Variants in GIPC2 observed in about 807,000 individuals in gnomAD.
GIPC2 encodes GIPC PDZ domain containing family member 2, also known as PDZ domain-containing protein GIPC2.
In GIPC2, 30 loss-of-function variants were observed where a neutral mutation model predicts 30.6. The observed-to-expected ratio is 0.98, with a 90% CI of 0.73 to 1.33. The LOEUF (loss-of-function observed/expected upper bound fraction) is 1.33. Ranked by LOEUF, GIPC2 falls within the 40% of genes most tolerant of loss-of-function variation. GIPC2 has a pLI of 0.00. For synonymous variants in GIPC2, 167 were observed against 150.0 expected (o/e 1.11, Z -0.83); for missense variants, 414 against 390.3 (o/e 1.06, Z -0.51).
At chr1:78,045,734 G>A, upstream of GIPC2, 1 of 985,506 alleles carries the variant, frequency 1.0e-6, no homozygotes, top group South Asian at 4.7e-5. Context: ...TTTATGAAAA[G>A]CAGAGAAGGG....
At position 78,123,438 on chromosome 1, in the gene GIPC2, T is replaced by C. The variant is rs1662721941; in HGVS notation, c.715-2443T>C. The stretch of plus-strand genomic sequence containing the variant: ...GGAAGTACTGGTTAGGTAGGGGTGA[T>C]GAGGCTAGAGGCATAGGCTGGGGTT... On this transcript the variant is annotated intron_variant, in intron 4 of 5. Coordinates refer to ENST00000370759, the MANE Select transcript of GIPC2 (RefSeq NM_017655.6). Among the ~76,000 whole-genome samples the C allele has an allele frequency of 3.3e-5, 5 of 151,856 alleles. No individual in the cohort carries two copies. In the South Asian group the frequency reaches 1.0e-3, roughly 32 times the overall value.
intron 4 of GIPC2, 75 bp from the exon 5 acceptor site, chr1:78,125,806 G>A (rs1368753006): frequency 3.8e-6 from 3 of 780,304 alleles, no homozygotes; most frequent in Non-Finnish European, 6.7e-6. Context: ...TCCACATCAG[G>A]CTTTCTCTTG....
At chr1:78,053,467 C>T (rs1661231065) in intron 1 of GIPC2, among the ~76,000 whole-genome samples, 1 of 152,140 alleles carries the variant, frequency 6.6e-6, no homozygotes, top group South Asian at 2.1e-4. Flanking sequence ...CTGTCACCCT[C>T]CTCACAAGGA....
chr1:78,091,680 T>C, intron 2 of GIPC2: 1 of 773,192 alleles, frequency 1.3e-6, no homozygotes, highest in Non-Finnish European at 2.4e-6. Flanking sequence ...TCTGCTGTTT[T>C]CTATAGTGTG....
intron 3 of GIPC2, among the ~76,000 whole-genome samples, chr1:78,113,632 G>T (rs139509788): frequency 1.5e-3 from 230 of 152,126 alleles, no homozygotes; most frequent in African/African-American, 5.3e-3. Context: ...CAAGTGATCC[G>T]CCACCCTTGG....
chr1:78,064,368 C>T (rs1039022812), intron 1 of GIPC2, among the ~76,000 whole-genome samples: 3 of 152,212 alleles, frequency 2.0e-5, no homozygotes, highest in Non-Finnish European at 4.4e-5. Context: ...AAACAGAATC[C>T]TTGACCCATG....
chr1:78,046,271 C>T lies in GIPC2; in HGVS notation c.177C>T (p.Gly59=), dbSNP rs1396662079. 1.2e-6 allele frequency: 2 copies of T among 1,611,758 alleles called. No individual in the cohort carries two copies. The highest frequency in any genetic ancestry group is 1.3e-5 in the African/African-American group (1 of 74,794). ...GTAGTGCCACGGGCCGAGTGGAGGG[C>T]TTCTCCAGCATCCAGGAGCTCTACG... ...AHGSATGRVE[G]FSSIQELYAQ... The change falls in exon 1 of 6, where the codon GGC becomes GGT. Residue 59 remains glycine, a synonymous_variant. Transcript: ENST00000370759.
intron 2 of GIPC2, among the ~76,000 whole-genome samples, chr1:78,081,356 T>C (rs1226053246): frequency 6.6e-6 from 1 of 152,214 alleles, no homozygotes; most frequent in African/African-American, 2.4e-5. Flanking sequence ...AAAAATGGCA[T>C]CTGTACTGAA....
In GIPC2 at chr1:78,046,315, T is replaced by C. The variant is rs1661082196; in HGVS notation, c.221T>C (p.Phe74Ser). ...CTCTACGCCCAGATCGCGGGCGCGT[T>C]TGAAATCTCGCCGTCGGAGGTAAGG... ...QELYAQIAGA[F>S]EISPSEILYC... is the part of the protein sequence containing the mutation. Residue 74 changes from phenylalanine to serine, a missense_variant, in exon 1 of 6, where the codon TTT (phenylalanine) becomes TCT (serine). Phe to Ser is a radical substitution (Grantham distance 155). Coordinates refer to ENST00000370759, the MANE Select transcript of GIPC2 (RefSeq NM_017655.6). The C allele has an allele frequency of 6.2e-7, 1 of 1,611,270 alleles. No individual in the cohort carries two copies.
intron 3 of GIPC2, among the ~76,000 whole-genome samples, chr1:78,107,824 C>CAAAAAAAAAA (rs35134592): frequency 1.0e-4 from 3 of 28,762 alleles, no homozygotes; most frequent in African/African-American, 2.6e-4. Context: ...AACTCTGTCT[C>CAAAAAAAAAA]AAAAAAAAAA....
Position 78,047,906 on chromosome 1 carries a change from A to G in GIPC2, c.240+1572A>G, listed in dbSNP as rs143833030. 8.5e-5 allele frequency among the ~76,000 whole-genome samples: 13 copies of G among 152,354 alleles called. No homozygotes were observed. In the East Asian group the frequency reaches 2.1e-3, roughly 25 times the overall value. On this transcript the variant is annotated intron_variant, in intron 1 of 5. Coordinates refer to ENST00000370759, the MANE Select transcript of GIPC2 (RefSeq NM_017655.6). ...AAACTTGACTGTAATTTAAACTTGG[A>G]TCTTCTGATTCCTAAGCTAGTGAGC... is the stretch of plus-strand genomic sequence containing the variant.
chr1:78,107,339 C>G (rs1662374184), intron 3 of GIPC2, among the ~76,000 whole-genome samples: 1 of 151,804 alleles, frequency 6.6e-6, no homozygotes, highest in Non-Finnish European at 1.5e-5. Context: ...GAGATGGGAT[C>G]TCACTCCTTT....
intron 5 of GIPC2, among the ~76,000 whole-genome samples, chr1:78,131,104 A>G (rs925193108): frequency 8.5e-5 from 13 of 152,194 alleles, no homozygotes; most frequent in African/African-American, 2.6e-4. Context: ...CCCAAGTAGC[A>G]GGGATTACAG....
intron 2 of GIPC2, among the ~76,000 whole-genome samples, chr1:78,084,209 T>A (rs1195880526): frequency 2.0e-5 from 3 of 152,196 alleles, no homozygotes; most frequent in East Asian, 1.9e-4. Context: ...TTAGAGAACA[T>A]GTTTATTAGA....
At chr1:78,050,075 T>C (rs1378367059) in intron 1 of GIPC2, among the ~76,000 whole-genome samples, 3 of 151,908 alleles carry the variant, frequency 2.0e-5, no homozygotes, top group African/African-American at 7.3e-5. Context: ...TTTTGTGTTT[T>C]TGTAGAGATG....
chr1:78,112,369 C>T, intron 3 of GIPC2: 1 of 513,768 alleles, frequency 1.9e-6, no homozygotes, highest in Admixed American at 1.9e-5. Context: ...TGTTAGGCAA[C>T]CTTGTTGACC....
intron 2 of GIPC2, chr1:78,092,149 A>T: frequency 1.3e-6 from 1 of 780,840 alleles, no homozygotes; most frequent in East Asian, 2.6e-5. Context: ...GACACACAAG[A>T]TGTTTTTATA....
At chr1:78,086,543 G>T (rs1208526854) in intron 2 of GIPC2, among the ~76,000 whole-genome samples, 1 of 152,060 alleles carries the variant, frequency 6.6e-6, no homozygotes, top group Non-Finnish European at 1.5e-5. Flanking sequence ...TCCCACTATT[G>T]TTCTGTGGGA....
chr1:78,060,287 G>A (rs150732626), intron 1 of GIPC2, among the ~76,000 whole-genome samples: 2 of 151,920 alleles, frequency 1.3e-5, no homozygotes, highest in African/African-American at 2.4e-5. Flanking sequence ...TAGGATTATA[G>A]GTGTGCACCA....
Sources: allele counts gnomAD v4.1 joint callset (sites outside exome capture counted in the v4.1 genomes callset), GRCh38; gene constraint gnomAD v4.1.1; transcripts MANE v1.5; gene names NCBI Gene and HGNC (gene_info 2026-07-23, HGNC 2026-07-21).